Variants in TMEM114 observed in about 807,000 individuals in gnomAD.
TMEM114 encodes the protein transmembrane protein 114, also known as claudin-26.
Under a neutral mutation model 6.2 loss-of-function variants are expected in TMEM114, and 6 were observed. The ratio of observed to expected loss-of-function variants is 0.97; its 90% confidence interval spans 0.53 to 1.91. TMEM114 has a LOEUF of 1.91. Ranked by LOEUF, TMEM114 falls within the 40% of genes most tolerant of loss-of-function variation. The pLI, the probability that TMEM114 is intolerant of heterozygous loss-of-function variation, is 0.01. For synonymous variants in TMEM114, 104 were observed against 73.0 expected, an observed-to-expected ratio of 1.42 and a Z score of -2.16; for missense variants, 218 against 158.3, an observed-to-expected ratio of 1.38 and a Z score of -2.02.
downstream of TMEM114, among the ~76,000 whole-genome samples, chr16:8,536,068 A>G (rs1230558205): frequency 6.6e-6 from 1 of 152,126 alleles, no homozygotes; most frequent in Non-Finnish European, 1.5e-5. Context: ...TCTACTAAAA[A>G]TACAAAATCA....
rs1294629528 is a variant in TMEM114, at chr16:8,546,769, G to C, written n.213-8943C>G. Among the ~76,000 whole-genome samples the C allele has an allele frequency of 3.9e-5, 6 of 152,274 alleles. No individual in the cohort carries two copies. In the East Asian group the frequency reaches 1.2e-3, roughly 29 times the overall value. ...TTCCCCATGACAACAGCTGCAATCA[G>C]AGCACACCAAGTCTTCTTTTTCTTC... On this transcript the variant is annotated intron_variant and non_coding_transcript_variant, in intron 2 of 2. Coordinates refer to the TMEM114 transcript ENST00000623677.
chr16:8,562,590 A>AAGTGAATGAGTGAGTG (rs373716843), intron 2 of TMEM114, among the ~76,000 whole-genome samples: 14 of 89,020 alleles, frequency 1.6e-4, no homozygotes, highest in African/African-American at 3.6e-4. Context: ...GGAAATAAGT[A>AAGTGAATGAGTGAGTG]AGTGAATGAG....
At position 8,562,532 on chromosome 16, in the gene TMEM114, G is replaced by GTGAGTGAGTGAA. The variant is rs1377734140; in HGVS notation, n.213-24718_213-24707dup. Among the ~76,000 whole-genome samples the GTGAGTGAGTGAA allele has an allele frequency of 4.8e-5, 7 of 147,036 alleles. No individual in the cohort carries two copies. The Admixed American group carries it at 4.8e-4, about 10-fold the overall frequency. ...AGTGACTGAATGAGTGAGTTAATGA[G>GTGAGTGAGTGAA]TGAGTGAGTGAATGAGTGAGTGCGT... is the stretch of plus-strand genomic sequence containing the variant. On this transcript the variant is annotated intron_variant and non_coding_transcript_variant, in intron 2 of 2. Coordinates refer to the TMEM114 transcript ENST00000623677.
intron 2 of TMEM114, among the ~76,000 whole-genome samples, chr16:8,562,717 T>TGAGG (rs1370344810): frequency 2.0e-5 from 3 of 150,470 alleles, no homozygotes; most frequent in African/African-American, 7.4e-5. Flanking sequence ...AATGAGTGAG[T>TGAGG]GAGGGAGGGA....
At chr16:8,559,898 G>T (rs1901143235) in intron 2 of TMEM114, among the ~76,000 whole-genome samples, 1 of 152,196 alleles carries the variant, frequency 6.6e-6, no homozygotes, top group African/African-American at 2.4e-5. Flanking sequence ...TCGGGAGCCT[G>T]GGGTGGCTGA....
chr16:8,587,388 T>C (rs1385308781), intron 2 of TMEM114, among the ~76,000 whole-genome samples: 1 of 152,246 alleles, frequency 6.6e-6, no homozygotes, highest in African/African-American at 2.4e-5. Context: ...CTTGTCCCCA[T>C]GGAGCTTTCA....
chr16:8,548,736 A>G (rs1900750689), intron 2 of TMEM114, among the ~76,000 whole-genome samples: 1 of 151,656 alleles, frequency 6.6e-6, no homozygotes, highest in African/African-American at 2.4e-5. Context: ...TATATGGAAA[A>G]TACTTTGTTT....
intron 2 of TMEM114, among the ~76,000 whole-genome samples, chr16:8,538,948 A>G (rs1258032703): frequency 6.6e-6 from 1 of 152,232 alleles, no homozygotes; most frequent in African/African-American, 2.4e-5. Flanking sequence ...TTGAGAAAAC[A>G]GTTTACCACT....
intron 2 of TMEM114, among the ~76,000 whole-genome samples, chr16:8,553,842 G>A (rs992597647): frequency 2.6e-5 from 4 of 151,646 alleles, no homozygotes; most frequent in Non-Finnish European, 5.9e-5. Flanking sequence ...TGGAATTACA[G>A]GCTCACACCA....
intron 2 of TMEM114, among the ~76,000 whole-genome samples, chr16:8,552,464 G>C (rs1900876055): frequency 6.6e-6 from 1 of 151,838 alleles, no homozygotes; most frequent in South Asian, 2.1e-4. Flanking sequence ...CTTCATGATT[G>C]TGCTGTGCAA....
At chr16:8,545,396 A>C (rs1900633546) in intron 2 of TMEM114, among the ~76,000 whole-genome samples, 2 of 152,108 alleles carry the variant, frequency 1.3e-5, no homozygotes, top group Admixed American at 6.5e-5. Context: ...TAATCATACC[A>C]CTGCACTCAC....
chr16:8,569,702 G>C lies in TMEM114; in HGVS notation c.*71C>G. The C allele has an allele frequency of 2.0e-6, 3 of 1,475,374 alleles. No individual in the cohort carries two copies. The highest frequency in any genetic ancestry group is 1.8e-6 in the Non-Finnish European group (2 of 1,111,172). 91.4% of individuals were successfully genotyped at this position (1,475,374 alleles called of 1,614,324 possible). On this transcript the variant is annotated 3_prime_UTR_variant, in exon 4 of 4. Coordinates refer to ENST00000620492, the MANE Select transcript of TMEM114 (RefSeq NM_001146336.2). Reference sequence around the variant, plus strand: ...GGCCTTTGAGGAAGAAGAGGCCGCAGCCGATGGAGATCGGTCGGTGAAGCT... The same window carrying C: ...GGCCTTTGAGGAAGAAGAGGCCGCACCCGATGGAGATCGGTCGGTGAAGCT...
intron 2 of TMEM114, among the ~76,000 whole-genome samples, chr16:8,538,497 G>A (rs1900426477): frequency 6.9e-6 from 1 of 145,516 alleles, no homozygotes; most frequent in Non-Finnish European, 1.5e-5. Context: ...TGGTTTTTTT[G>A]TTTGTTTGTT....
downstream of TMEM114, among the ~76,000 whole-genome samples, chr16:8,566,830 G>A (rs1193328651): frequency 6.6e-6 from 1 of 150,792 alleles, no homozygotes; most frequent in Non-Finnish European, 1.5e-5. Flanking sequence ...CCTCCTCCAA[G>A]AAGCCCTTTC....
chr16:8,560,469 C>G (rs1901163395), intron 2 of TMEM114, among the ~76,000 whole-genome samples: 1 of 152,136 alleles, frequency 6.6e-6, no homozygotes, highest in African/African-American at 2.4e-5. Flanking sequence ...AGTTTGCATG[C>G]CAGGGTGGCC....
the TMEM114 span, among the ~76,000 whole-genome samples, chr16:8,527,318 C>A: frequency 6.6e-6 from 1 of 152,178 alleles, no homozygotes; most frequent in Admixed American, 6.5e-5. Flanking sequence ...AGGGAGACAG[C>A]AGGGGAAAGT....
chr16:8,585,533 C>G (rs573724961), intron 2 of TMEM114, among the ~76,000 whole-genome samples: 1 of 152,076 alleles, frequency 6.6e-6, no homozygotes, highest in South Asian at 2.1e-4. Flanking sequence ...TCTATGGCCT[C>G]TGCAGCAGGT....
downstream of TMEM114, among the ~76,000 whole-genome samples, chr16:8,536,726 A>G (rs1414490161): frequency 1.3e-5 from 2 of 151,926 alleles, no homozygotes; most frequent in Non-Finnish European, 1.5e-5. Flanking sequence ...ATCATGTACC[A>G]GGCATTTAGC....
At chr16:8,562,877 T>G (rs1168153697) in intron 2 of TMEM114, among the ~76,000 whole-genome samples, 1 of 148,090 alleles carries the variant, frequency 6.8e-6, no homozygotes, top group African/African-American at 2.5e-5. Context: ...AGTAAATGAG[T>G]GAGGGAGGGA....
Sources: allele counts gnomAD v4.1 joint callset (sites outside exome capture counted in the v4.1 genomes callset), GRCh38; gene constraint gnomAD v4.1.1; transcripts MANE v1.5; gene names NCBI Gene and HGNC (gene_info 2026-07-23, HGNC 2026-07-21).